The following PARP8 variants were observed in gnomAD, a reference collection of about 807,000 sequenced individuals.
The protein encoded by PARP8 is protein mono-ADP-ribosyltransferase PARP8.
PARP8 carries 51 observed loss-of-function variants against 124.1 expected under a neutral mutation model. The ratio of observed to expected loss-of-function variants is 0.41; its 90% CI spans 0.33 to 0.52. The LOEUF (loss-of-function observed/expected upper bound fraction) is 0.52. Ranked by LOEUF, PARP8 falls within the 20% of genes least tolerant of loss-of-function variation. PARP8 has a pLI of 0.21. For synonymous variants in PARP8, 391 were observed against 361.5 expected (o/e 1.08, Z -0.93); for missense variants, 860 against 1,018.9 (o/e 0.84, Z 2.12).
intron 7 of PARP8, among the ~76,000 whole-genome samples, chr5:50,771,344 A>G (rs1179001811): frequency 1.3e-5 from 2 of 151,832 alleles, no homozygotes; most frequent in African/African-American, 4.8e-5. Context: ...TTTTCAGTAG[A>G]GACGGGGTTT....
At chr5:50,813,388 CTGTT>C (rs1350502000) in intron 14 of PARP8, among the ~76,000 whole-genome samples, 1 of 130,636 alleles carries the variant, frequency 7.7e-6, no homozygotes, top group Non-Finnish European at 1.8e-5. Flanking sequence ...ATTTGGCTCT[CTGTT>C]TGTCTGTTAT....
intron 12 of PARP8, 78 bp from the exon 13 acceptor site, chr5:50,796,904 G>T: frequency 8.1e-7 from 1 of 1,232,714 alleles, no homozygotes; most frequent in East Asian, 2.6e-5. Context: ...ATTCACTATT[G>T]CAAAGAGTAA....
chr5:50,722,026 G>A (rs1755943325), intron 2 of PARP8, among the ~76,000 whole-genome samples: 1 of 151,936 alleles, frequency 6.6e-6, no homozygotes, highest in African/African-American at 2.4e-5. Context: ...ATTTTATTTT[G>A]TGTGCCCAAG....
At chr5:50,830,817 TGC>T (rs1491048533) in intron 22 of PARP8, among the ~76,000 whole-genome samples, 2 of 112,508 alleles carry the variant, frequency 1.8e-5, no homozygotes, top group African/African-American at 9.3e-5. Flanking sequence ...TGTGTGCTCA[TGC>T]GTGTGTGTGT....
intron 7 of PARP8, among the ~76,000 whole-genome samples, chr5:50,774,883 G>A (rs527900306): frequency 5.4e-5 from 7 of 130,076 alleles, no homozygotes; most frequent in East Asian, 5.0e-4. Context: ...CATCCCAGAC[G>A]ATGGGCGGCC....
Position 50,797,015 on chromosome 5 carries a change from C to T in PARP8, c.1462C>T (p.Arg488Cys), listed in dbSNP as rs200351181. The change falls in exon 13 of 26, where the codon CGT (arginine) becomes TGT (cysteine). Residue 488 changes from arginine to cysteine, a missense_variant. Transcript: ENST00000281631. ...NGAKCIPVRD[R>C]GFLVQTIEFA... is the part of the protein sequence containing the mutation. The stretch of plus-strand genomic sequence containing the variant: ...TGCAAAATGCATTCCAGTACGAGAC[C>T]GTGGCTTCCTGGTGCAGGTATGAGC... 5.6e-5 allele frequency: 91 copies of T among 1,612,614 alleles called. No individual in the cohort carries two copies. In the East Asian group the frequency reaches 1.1e-3, roughly 20 times the overall value.
At chr5:50,713,263 C>A (rs1383198550) in intron 2 of PARP8, among the ~76,000 whole-genome samples, 1 of 151,876 alleles carries the variant, frequency 6.6e-6, no homozygotes. Context: ...TATTTTGAGA[C>A]AGGGTCTCAC....
In PARP8 at chr5:50,827,959, C is replaced by T. The variant is rs1211913556; in HGVS notation, c.1993C>T (p.His665Tyr). 4.3e-6 allele frequency: 7 copies of T among 1,611,018 alleles called. No homozygotes were observed. Among genetic ancestry groups the T allele is most frequent in the African/African-American group, 1.3e-5 (1 of 74,850 alleles). ...LPVNRQLKFM[H>Y]TPHQFLLLSS... Reference sequence around the variant, plus strand: ...TAAATGGCAGCAATTGAAGTTTATGCATACTCCACATCAGTTCCTTCTTCT... The same window carrying T: ...TAAATGGCAGCAATTGAAGTTTATGTATACTCCACATCAGTTCCTTCTTCT... The change falls in exon 20 of 26, where the codon CAT (histidine) becomes TAT (tyrosine). Residue 665 changes from histidine to tyrosine, a missense_variant. His to Tyr is a moderately conservative substitution (Grantham distance 83). Coordinates refer to ENST00000281631, the MANE Select transcript of PARP8 (RefSeq NM_024615.4).
chr5:50,778,497 G>GTT (rs903087266), intron 8 of PARP8, 63 bp from the exon 9 acceptor site: 81 of 1,207,112 alleles, frequency 6.7e-5, no homozygotes, highest in South Asian at 1.6e-4. Flanking sequence ...AAGTTTGTGT[G>GTT]TTTTTTTTTT....
chr5:50,832,401 G>A (rs1484941226), intron 22 of PARP8, among the ~76,000 whole-genome samples: 1 of 152,134 alleles, frequency 6.6e-6, no homozygotes, highest in South Asian at 2.1e-4. Flanking sequence ...CAAAAGTTCA[G>A]TTGTAATGTA....
At chr5:50,669,790 T>C (rs1394009413) in intron 2 of PARP8, among the ~76,000 whole-genome samples, 1 of 152,236 alleles carries the variant, frequency 6.6e-6, no homozygotes, top group Non-Finnish European at 1.5e-5. Flanking sequence ...TCCTATTTTA[T>C]GTAATTTTAT....
At chr5:50,830,772 A>G (rs1235247171) in intron 22 of PARP8, among the ~76,000 whole-genome samples, 1 of 151,928 alleles carries the variant, frequency 6.6e-6, no homozygotes, top group African/African-American at 2.4e-5. Flanking sequence ...AAGTGGTTTT[A>G]TATACATATA....
intron 2 of PARP8, among the ~76,000 whole-genome samples, chr5:50,713,098 G>T (rs915936497): frequency 2.0e-5 from 3 of 151,924 alleles, no homozygotes; most frequent in African/African-American, 7.3e-5. Context: ...TATTAATTGT[G>T]CTTTATTTTC....
intron 9 of PARP8, 72 bp downstream of exon 9, chr5:50,778,722 G>A (rs1443757586): frequency 1.1e-6 from 1 of 939,014 alleles, no homozygotes; most frequent in Non-Finnish European, 1.5e-6. Flanking sequence ...CAAAATGCGT[G>A]TTCATTTGTC....
chr5:50,816,165 A>C (rs1204157463), intron 15 of PARP8, among the ~76,000 whole-genome samples: 1 of 152,202 alleles, frequency 6.6e-6, no homozygotes, highest in South Asian at 2.1e-4. Flanking sequence ...GGCAAAGAAT[A>C]GTATGGCAGA....
chr5:50,737,591 C>A (rs1757599391), intron 2 of PARP8, among the ~76,000 whole-genome samples: 1 of 152,162 alleles, frequency 6.6e-6, no homozygotes, highest in Admixed American at 6.5e-5. Flanking sequence ...TCAACAGTAT[C>A]TAGACAAATA....
intron 2 of PARP8, among the ~76,000 whole-genome samples, chr5:50,722,495 C>A (rs751039598): frequency 1.2e-4 from 19 of 152,090 alleles, no homozygotes; most frequent in Non-Finnish European, 2.1e-4. Context: ...GAGCTGAGTC[C>A]CCCACTCTTC....
At chr5:50,681,561 A>G (rs1751294425) in intron 2 of PARP8, among the ~76,000 whole-genome samples, 1 of 152,168 alleles carries the variant, frequency 6.6e-6, no homozygotes, top group Admixed American at 6.6e-5. Context: ...GCTTTAAATC[A>G]TCTAGGAACT....
At chr5:50,744,450 T>TAA (rs1638405994) in intron 2 of PARP8, among the ~76,000 whole-genome samples, 1 of 152,218 alleles carries the variant, frequency 6.6e-6, no homozygotes, top group Admixed American at 6.5e-5. Context: ...GGAACTCCTT[T>TAA]AGAAGTTGTT....
Sources: allele counts gnomAD v4.1 joint callset (sites outside exome capture counted in the v4.1 genomes callset), GRCh38; gene constraint gnomAD v4.1.1; transcripts MANE v1.5; gene names NCBI Gene and HGNC (gene_info 2026-07-23, HGNC 2026-07-21).